Variants in NOL9 observed in about 807,000 individuals in gnomAD.
NOL9 encodes the protein nucleolar protein 9.
A neutral mutation model predicts 67.9 loss-of-function variants in NOL9; 28 were observed. The observed-to-expected ratio is 0.41, with a 90% confidence interval of 0.31 to 0.57. NOL9 has a LOEUF of 0.57. Ranked by LOEUF, NOL9 falls within the 20% of genes least tolerant of loss-of-function variation. The pLI is 0.25. For missense variants in NOL9, 777 were observed against 897.0 expected, an observed-to-expected ratio of 0.87 and a Z score of 1.71; for synonymous variants, 356 against 352.2, an observed-to-expected ratio of 1.01 and a Z score of -0.12.
chr1:6,553,876 T>C (rs1420216866), intron 1 of NOL9, among the ~76,000 whole-genome samples: 5 of 151,700 alleles, frequency 3.3e-5, no homozygotes, highest in Middle Eastern at 3.2e-3. Context: ...CAAAACAAAA[T>C]AAAGTCCCTT....
chr1:6,542,485 T>C (rs1639317462), intron 5 of NOL9, among the ~76,000 whole-genome samples: 1 of 139,460 alleles, frequency 7.2e-6, no homozygotes, highest in Non-Finnish European at 1.5e-5. Flanking sequence ...TGAGATGGAG[T>C]CCTGCTCTGT....
At chr1:6,551,069 T>C (rs1034524078) in intron 1 of NOL9, among the ~76,000 whole-genome samples, 1 of 152,160 alleles carries the variant, frequency 6.6e-6, no homozygotes, top group Non-Finnish European at 1.5e-5. Flanking sequence ...CCCAACACTT[T>C]GGGAAGCTGA....
chr1:6,528,993 C>A lies in NOL9; in HGVS notation c.1825+1G>T. 6.2e-7 allele frequency: 1 copy of A among 1,613,904 alleles called. No individual in the cohort carries two copies. Among genetic ancestry groups the A allele is most frequent in the Non-Finnish European group, 8.5e-7 (1 of 1,179,908 alleles). Reference sequence around the variant, plus strand: ...TGGATATGTTTTACTCTCAGACTCACCAAAGCCCAAGCAGTCACAGATTGG... The same window carrying A: ...TGGATATGTTTTACTCTCAGACTCAACAAAGCCCAAGCAGTCACAGATTGG... On this transcript the variant is annotated splice_donor_variant, in intron 10 of 11. Transcript: ENST00000377705. LOFTEE classifies it high-confidence loss of function.
chr1:6,549,745 A>G (rs1412976831), intron 2 of NOL9, 47 bp from the exon 3 acceptor site: 3 of 1,608,260 alleles, frequency 1.9e-6, no homozygotes, highest in Admixed American at 1.7e-5. Context: ...ACTTCATTAC[A>G]TTCCACGCCC....
intron 10 of NOL9, among the ~76,000 whole-genome samples, chr1:6,527,108 G>A (rs1216984806): frequency 3.3e-5 from 5 of 152,036 alleles, no homozygotes; most frequent in Admixed American, 2.0e-4. Flanking sequence ...TTAGCCGGGC[G>A]TAGTGGTGGG....
At chr1:6,530,229 G>T (rs940727887) in intron 9 of NOL9, among the ~76,000 whole-genome samples, 1 of 152,144 alleles carries the variant, frequency 6.6e-6, no homozygotes, top group Non-Finnish European at 1.5e-5. Context: ...GAGGCGGGTG[G>T]ATCATCTGAG....
At chr1:6,542,032 C>T (rs557881310) in intron 5 of NOL9, 105 bp from the exon 6 acceptor site, 2 of 605,690 alleles carry the variant, frequency 3.3e-6, no homozygotes, top group African/African-American at 1.9e-5. Context: ...CAGGCATAAT[C>T]CACCACACAC....
At position 6,550,157 on chromosome 1, in the gene NOL9, G is replaced by A. The variant is rs147014759; in HGVS notation, c.616+239C>T. ...AGCGATTCTCCTGTCTCGGCCTCCC[G>A]AGTAGCTGGGACTACAGGCGCCTGC... On this transcript the variant is annotated intron_variant, in intron 2 of 11. Transcript: ENST00000377705. 8.7e-3 allele frequency among the ~76,000 whole-genome samples: 1,329 copies of A among 152,006 alleles called. 15 individuals are homozygous for A. The highest frequency in any genetic ancestry group is 0.029 in the African/African-American group (1,209 of 41,430).
chr1:6,554,220 G>A lies in NOL9; in HGVS notation c.283C>T (p.Pro95Ser). Reference sequence around the variant, plus strand: ...GATTCGAGTTCGGGTTCGGACTCGGGTTCGGAGGCCGGGGTCGGGCTAGGG... The same window carrying A: ...GATTCGAGTTCGGGTTCGGACTCGGATTCGGAGGCCGGGGTCGGGCTAGGG... The part of the protein sequence containing the change: ...PIPSPTPASE[P>S]ESEPELESAS... Residue 95 changes from proline to serine, a missense_variant, in exon 1 of 12, where the codon CCC (proline) becomes TCC (serine). This residue lies in a region of NOL9 where 364 missense variants were observed against 344.4 expected (regional missense o/e 1.06). Coordinates refer to ENST00000377705, the MANE Select transcript of NOL9 (RefSeq NM_024654.5). 6.6e-7 allele frequency: 1 copy of A among 1,516,500 alleles called. No homozygotes were observed. The highest frequency in any genetic ancestry group is 8.8e-7 in the Non-Finnish European group (1 of 1,131,524). The allele number at this position is 1,516,500 out of a possible 1,614,324, so 93.9% of individuals were successfully genotyped here.
chr1:6,550,645 T>C, intron 1 of NOL9, 30 bp from the exon 2 acceptor site: 1 of 1,482,570 alleles, frequency 6.7e-7, no homozygotes, highest in Non-Finnish European at 9.4e-7. Flanking sequence ...GAAAAAACAT[T>C]ATAGATCATG....
chr1:6,551,690 G>A (rs1639545593), intron 1 of NOL9, among the ~76,000 whole-genome samples: 1 of 152,106 alleles, frequency 6.6e-6, no homozygotes, highest in Non-Finnish European at 1.5e-5. Context: ...GCAGGGACTT[G>A]GATGGAGCTG....
At chr1:6,526,100 A>T in intron 11 of NOL9, 97 bp from the exon 12 acceptor site, 1 of 1,111,666 alleles carries the variant, frequency 9.0e-7, no homozygotes, top group Non-Finnish European at 1.4e-6. Context: ...TGTCATGGTG[A>T]TGGTCTGGGT....
chr1:6,548,029 G>T, intron 3 of NOL9: 1 of 277,744 alleles, frequency 3.6e-6, no homozygotes, highest in South Asian at 4.0e-5. Context: ...CCGAACCCCT[G>T]GTAATAAAAT....
At chr1:6,543,198 T>C (rs942134846) in intron 5 of NOL9, among the ~76,000 whole-genome samples, 1 of 51,494 alleles carries the variant, frequency 1.9e-5, no homozygotes, top group Non-Finnish European at 5.9e-5. Context: ...CCAGCCTTTT[T>C]TTCTTTTTTT....
intron 11 of NOL9, 110 bp from the exon 12 acceptor site, chr1:6,526,113 G>C: frequency 1.0e-6 from 1 of 963,700 alleles, no homozygotes; most frequent in Non-Finnish European, 1.6e-6. Context: ...GTCTGGGTGG[G>C]GACTTCTCAC....
intron 7 of NOL9, 49 bp from the exon 8 acceptor site, chr1:6,532,809 G>C (rs576468797): frequency 1.3e-6 from 2 of 1,505,038 alleles, no homozygotes; most frequent in Non-Finnish European, 1.8e-6. Flanking sequence ...GAACAGTGAC[G>C]CGCTCAAGAA....
intron 6 of NOL9, among the ~76,000 whole-genome samples, chr1:6,539,552 T>C (rs1218826009): frequency 6.6e-6 from 1 of 152,244 alleles, no homozygotes; most frequent in Non-Finnish European, 1.5e-5. Context: ...TGGTGCAATT[T>C]CAGCTCACTG....
At chr1:6,536,349 T>A (rs1570054844) in intron 6 of NOL9, among the ~76,000 whole-genome samples, 1 of 7,356 alleles carries the variant, frequency 1.4e-4, no homozygotes. Flanking sequence ...CCGTCTCAAA[T>A]AAAATAAAAT....
At chr1:6,533,817 A>G (rs773375229) in intron 6 of NOL9, among the ~76,000 whole-genome samples, 1 of 152,210 alleles carries the variant, frequency 6.6e-6, no homozygotes, top group Non-Finnish European at 1.5e-5. Context: ...ATGAATAGCC[A>G]TGTGTGTCTT....
Sources: gnomAD v4.1 joint callset for allele counts (sites outside exome capture counted in the v4.1 genomes callset) on GRCh38, gnomAD v4.1.1 for gene constraint, gnomAD v4.1.1 regional missense constraint, MANE v1.5 for transcripts, NCBI Gene and HGNC (gene_info 2026-07-23, HGNC 2026-07-21) for gene names.